Variants in SAMD5 observed in about 807,000 individuals in gnomAD.
The protein encoded by SAMD5 is sterile alpha motif domain-containing protein 5.
A neutral mutation model predicts 11.3 loss-of-function variants in SAMD5; 13 were observed. That is an observed-to-expected ratio of 1.15 (90% CI 0.75 to 1.83). The LOEUF is 1.83. Ranked by LOEUF, SAMD5 falls within the 40% of genes most tolerant of loss-of-function variation. The pLI is 0.00. For synonymous variants in SAMD5, 129 were observed against 111.3 expected (o/e 1.16, Z -1.00); for missense variants, 255 against 239.1 (o/e 1.07, Z -0.44).
intron 1 of SAMD5, among the ~76,000 whole-genome samples, chr6:147,596,327 C>T (rs868839499): frequency 9.2e-5 from 14 of 152,276 alleles, no homozygotes; most frequent in African/African-American, 2.9e-4. Context: ...ATACTGTAAA[C>T]TTTCTTATAA....
chr6:147,586,947 A>G (rs556462474), intron 1 of SAMD5, among the ~76,000 whole-genome samples: 83 of 152,246 alleles, frequency 5.5e-4, no homozygotes, highest in African/African-American at 1.9e-3. Context: ...ATTGTTCCTC[A>G]TCTACAGTTT....
intron 1 of SAMD5, among the ~76,000 whole-genome samples, chr6:147,709,502 T>C (rs891936345): frequency 1.3e-5 from 2 of 152,190 alleles, no homozygotes; most frequent in African/African-American, 4.8e-5. Flanking sequence ...TGTTTTGCTT[T>C]GGTTTGGTTT....
At chr6:147,824,088 C>T in the SAMD5 span, among the ~76,000 whole-genome samples, 1 of 152,210 alleles carries the variant, frequency 6.6e-6, no homozygotes, top group South Asian at 2.1e-4. Flanking sequence ...TGGATTTCCT[C>T]AGTGCTCAGA....
chr6:147,830,754 A>G, the SAMD5 span, among the ~76,000 whole-genome samples: 1 of 152,232 alleles, frequency 6.6e-6, no homozygotes, highest in East Asian at 1.9e-4. Flanking sequence ...TAGGTTATGA[A>G]TGAGCTGCAT....
the SAMD5 span, among the ~76,000 whole-genome samples, chr6:147,849,806 C>T: frequency 2.0e-5 from 3 of 152,110 alleles, no homozygotes; most frequent in Non-Finnish European, 4.4e-5. Flanking sequence ...GGGCTGGAGG[C>T]GAGGGATCAA....
chr6:147,712,820 A>AG (rs1462086499), intron 1 of SAMD5, among the ~76,000 whole-genome samples: 2 of 150,836 alleles, frequency 1.3e-5, no homozygotes, highest in East Asian at 3.9e-4. Context: ...AAAAAAAAAA[A>AG]AAGTCTGTTG....
chr6:147,634,078 C>T (rs1583115781), intron 1 of SAMD5, among the ~76,000 whole-genome samples: 3 of 152,216 alleles, frequency 2.0e-5, no homozygotes, highest in Non-Finnish European at 4.4e-5. Flanking sequence ...TGAAATCGTA[C>T]AATGGGTAGT....
chr6:147,703,352 G>A (rs1383567288), intron 1 of SAMD5, among the ~76,000 whole-genome samples: 8 of 152,122 alleles, frequency 5.3e-5, no homozygotes, highest in South Asian at 2.1e-4. Context: ...GATTATAGGC[G>A]TGAGCCACCA....
At chr6:147,841,601 C>G in the SAMD5 span, among the ~76,000 whole-genome samples, 1 of 152,206 alleles carries the variant, frequency 6.6e-6, no homozygotes, top group Non-Finnish European at 1.5e-5. Context: ...TTCCTGCCGT[C>G]TAACCTATTT....
intron 1 of SAMD5, among the ~76,000 whole-genome samples, chr6:147,539,405 C>T (rs189504460): frequency 5.3e-5 from 8 of 152,264 alleles, no homozygotes; most frequent in African/African-American, 1.9e-4. Context: ...ATTAGCAATC[C>T]CTTGAAGTAT....
chr6:147,576,754 G>T (rs1326432022), intron 1 of SAMD5, among the ~76,000 whole-genome samples: 1 of 152,186 alleles, frequency 6.6e-6, no homozygotes, highest in African/African-American at 2.4e-5. Context: ...TGTTATCTGT[G>T]ATGTCCTTAG....
the SAMD5 span, among the ~76,000 whole-genome samples, chr6:147,855,606 G>A: frequency 1.3e-5 from 2 of 152,238 alleles, no homozygotes; most frequent in Non-Finnish European, 1.5e-5. Flanking sequence ...TTCAAAGTTT[G>A]TTCCAACTCT....
chr6:147,773,070 G>A, the SAMD5 span, among the ~76,000 whole-genome samples: 1 of 152,110 alleles, frequency 6.6e-6, no homozygotes, highest in African/African-American at 2.4e-5. Flanking sequence ...CACAAACCCA[G>A]TACTCTCAAC....
At chr6:147,909,637 T>TCTTTCTTC in the SAMD5 span, among the ~76,000 whole-genome samples, 1 of 135,930 alleles carries the variant, frequency 7.4e-6, no homozygotes, top group African/African-American at 3.2e-5. Flanking sequence ...TCTTTCTCTT[T>TCTTTCTTC]CTTGTCTTTT....
the SAMD5 span, among the ~76,000 whole-genome samples, chr6:147,764,176 G>A: frequency 4.6e-5 from 7 of 152,172 alleles, no homozygotes; most frequent in African/African-American, 1.7e-4. Flanking sequence ...ATTTATGGGT[G>A]AAGCCACAGA....
chr6:147,826,238 C>T, the SAMD5 span, among the ~76,000 whole-genome samples: 5 of 152,200 alleles, frequency 3.3e-5, no homozygotes, highest in African/African-American at 1.2e-4. Flanking sequence ...GAAGAGCTTT[C>T]TATTGAGTTT....
chr6:147,640,901 A>T (rs976967051), intron 1 of SAMD5, among the ~76,000 whole-genome samples: 2 of 152,214 alleles, frequency 1.3e-5, no homozygotes, highest in African/African-American at 4.8e-5. Flanking sequence ...TTAGCAATTA[A>T]GTATTTTTTA....
chr6:147,684,824 A>G (rs1790986732), intron 1 of SAMD5, among the ~76,000 whole-genome samples: 2 of 152,320 alleles, frequency 1.3e-5, no homozygotes, highest in Non-Finnish European at 2.9e-5. Flanking sequence ...GAAAATTACA[A>G]TTGTTCTGGG....
the SAMD5 span, among the ~76,000 whole-genome samples, chr6:147,803,182 T>TGTGTGTGTGTGTG: frequency 6.9e-6 from 1 of 145,810 alleles, no homozygotes; most frequent in East Asian, 2.0e-4. Flanking sequence ...TGTGTGTGTG[T>TGTGTGTGTGTGTG]TTTACATAGA....
Sources: gnomAD v4.1 joint callset for allele counts (sites outside exome capture counted in the v4.1 genomes callset) on GRCh38, gnomAD v4.1.1 for gene constraint, MANE v1.5 for transcripts, NCBI Gene and HGNC (gene_info 2026-07-23, HGNC 2026-07-21) for gene names.